TRPM3: variants seen among roughly 807,000 people sequenced by gnomAD.
TRPM3 encodes the protein transient receptor potential cation channel subfamily M member 3.
Under a neutral mutation model 181.2 loss-of-function variants are expected in TRPM3, and 77 were observed. That is an observed-to-expected ratio of 0.42 (90% CI 0.35 to 0.51). The LOEUF (loss-of-function observed/expected upper bound fraction) is 0.51, where lower values mean the gene tolerates loss of function less well. Among genes scored for constraint, TRPM3 ranks in the 20% least tolerant of loss-of-function variants. The probability of loss-of-function intolerance (pLI) is 0.01; values close to 1 mark genes in which losing one functional copy is unlikely to be tolerated. For synonymous variants in TRPM3, 745 were observed against 796.4 expected, an observed-to-expected ratio of 0.94 and a Z score of 1.09; for missense variants, 1,759 against 2,196.7, an observed-to-expected ratio of 0.80 and a Z score of 3.98.
At chr9:70,767,896 C>T (rs972094887) in intron 7 of TRPM3, among the ~76,000 whole-genome samples, 1 of 152,152 alleles carries the variant, frequency 6.6e-6, no homozygotes, top group African/African-American at 2.4e-5. Context: ...CTTGTTGGGA[C>T]TTAACCTCAG....
Position 71,142,914 on chromosome 9 carries a change from A to G in TRPM3, c.184-278403T>C, listed in dbSNP as rs147134607. ...AATCACTTGAGCCCAGGAGTTTGAG[A>G]CCATCCTGGGAACCATAGGGAAATA... On this transcript the variant is annotated intron_variant, in intron 1 of 24. Transcript: ENST00000357533. 6.8e-3 allele frequency among the ~76,000 whole-genome samples: 1,027 copies of G among 151,766 alleles called. 16 individuals carry two copies. Among genetic ancestry groups the G allele is most frequent in the African/African-American group, 0.023 (954 of 41,342 alleles).
intron 1 of TRPM3, among the ~76,000 whole-genome samples, chr9:71,266,004 C>G (rs2083369822): frequency 6.6e-6 from 1 of 152,188 alleles, no homozygotes; most frequent in Non-Finnish European, 1.5e-5. Flanking sequence ...TGTTTCCTCT[C>G]TGGCTGGATA....
intron 1 of TRPM3, among the ~76,000 whole-genome samples, chr9:71,033,281 T>C (rs1423858437): frequency 1.3e-5 from 2 of 152,246 alleles, no homozygotes; most frequent in African/African-American, 4.8e-5. Flanking sequence ...GCAAGGTCCC[T>C]GGGACACGGC....
intron 1 of TRPM3, among the ~76,000 whole-genome samples, chr9:71,352,775 GC>G (rs2132676170): frequency 6.6e-6 from 1 of 152,194 alleles, no homozygotes; most frequent in African/African-American, 2.4e-5. Flanking sequence ...AGAATTTCTA[GC>G]CTTTGTCTAT....
intron 1 of TRPM3, among the ~76,000 whole-genome samples, chr9:70,961,349 T>C (rs1036659078): frequency 6.6e-6 from 1 of 152,164 alleles, no homozygotes; most frequent in Non-Finnish European, 1.5e-5. Context: ...TTCTGACCTA[T>C]GGAACTGCTG....
At chr9:70,930,724 T>C (rs533245498) in intron 1 of TRPM3, among the ~76,000 whole-genome samples, 1 of 152,216 alleles carries the variant, frequency 6.6e-6, no homozygotes, top group South Asian at 2.1e-4. Context: ...ATGATCCAAA[T>C]TCAATTATCC....
rs1273235084 is a variant in TRPM3, at chr9:70,536,339, T to G, written c.4774A>C (p.Thr1592Pro). Residue 1592 changes from threonine to proline, a missense_variant, in exon 26 of 26, where the codon ACT becomes CCT. Around this residue, in one of 8 missense-constraint regions of TRPM3, gnomAD observed 612 missense variants for 590.0 expected, o/e 1.04. Coordinates refer to ENST00000677713, the MANE Select transcript of TRPM3 (RefSeq NM_001366145.2). ...GCTTCTCGCTCTGGATGGCAGCAAG[T>G]TAAGTCCTCCACTTTGTCTCCAAGA... is the stretch of plus-strand genomic sequence containing the variant. ...GGLGDKVEDL[T>P]CCHPEREAEL... 6.2e-7 allele frequency: 1 copy of G among 1,613,974 alleles called. No homozygotes were observed.
At chr9:70,867,137 T>C (rs1269672603) in intron 1 of TRPM3, among the ~76,000 whole-genome samples, 2 of 152,012 alleles carry the variant, frequency 1.3e-5, no homozygotes. Flanking sequence ...AGTCCCCACA[T>C]GCGCAGGAAT....
At chr9:71,029,161 G>A (rs1022099511) in intron 1 of TRPM3, among the ~76,000 whole-genome samples, 9 of 152,010 alleles carry the variant, frequency 5.9e-5, no homozygotes, top group African/African-American at 2.2e-4. Flanking sequence ...AAATTAATGA[G>A]AACGAAGATA....
chr9:71,109,345 C>T (rs1587271342), intron 1 of TRPM3, among the ~76,000 whole-genome samples: 1 of 151,832 alleles, frequency 6.6e-6, no homozygotes, highest in East Asian at 1.9e-4. Flanking sequence ...ACAATAACTC[C>T]AAAGTGAAAG....
At chr9:71,185,706 G>A (rs2077635218) in intron 1 of TRPM3, among the ~76,000 whole-genome samples, 1 of 151,906 alleles carries the variant, frequency 6.6e-6, no homozygotes, top group African/African-American at 2.4e-5. Flanking sequence ...ACACTGCTTT[G>A]GGTAGTCATC....
chr9:70,662,995 C>T (rs1256880132), intron 9 of TRPM3, among the ~76,000 whole-genome samples: 2 of 152,074 alleles, frequency 1.3e-5, no homozygotes, highest in East Asian at 1.9e-4. Flanking sequence ...AACATAAGCG[C>T]CCATCAATTA....
chr9:71,423,308 C>G (rs1394593523), intron 1 of TRPM3, among the ~76,000 whole-genome samples: 6 of 152,060 alleles, frequency 3.9e-5, no homozygotes, highest in Non-Finnish European at 8.8e-5. Flanking sequence ...TTTTAAAGAA[C>G]TACCCTCTAA....
rs534136934 is a variant in TRPM3 at position 70,807,013 on chromosome 9, C to A, written c.973+20834G>T. On this transcript the variant is annotated intron_variant, in intron 6 of 25. Coordinates refer to ENST00000677713, the MANE Select transcript of TRPM3 (RefSeq NM_001366145.2). ...TTTAAGATCCCCAGGGAATGAGACACCTTATCTTCCCTAAATATATCTCAC... is the reference window on the plus strand; with the variant it reads ...TTTAAGATCCCCAGGGAATGAGACAACTTATCTTCCCTAAATATATCTCAC... Among the ~76,000 whole-genome samples, 16 of 152,274 alleles carry A rather than the reference C, an allele frequency of 1.1e-4. No homozygotes were observed. The East Asian group carries it at 2.7e-3, about 26-fold the overall frequency.
chr9:71,068,919 A>G (rs1436136575), intron 1 of TRPM3, among the ~76,000 whole-genome samples: 1 of 152,198 alleles, frequency 6.6e-6, no homozygotes, highest in Non-Finnish European at 1.5e-5. Flanking sequence ...GATCCAATCT[A>G]TCAGATCTTG....
chr9:70,876,004 C>A (rs2095863132), intron 1 of TRPM3, among the ~76,000 whole-genome samples: 1 of 151,784 alleles, frequency 6.6e-6, no homozygotes, highest in African/African-American at 2.4e-5. Context: ...CAGAATTATG[C>A]AGATTTAGAT....
chr9:70,820,828 G>T (rs913995674), intron 6 of TRPM3, among the ~76,000 whole-genome samples: 1 of 152,036 alleles, frequency 6.6e-6, no homozygotes, highest in East Asian at 1.9e-4. Context: ...CAAGGTCACA[G>T]AGCCCTGACA....
intron 1 of TRPM3, among the ~76,000 whole-genome samples, chr9:71,389,519 G>C (rs1009093157): frequency 1.3e-5 from 2 of 152,034 alleles, no homozygotes; most frequent in African/African-American, 4.8e-5. Context: ...ATTCAAAAAA[G>C]ATACTTGCAC....
chr9:71,128,450 A>G (rs1399235208), intron 1 of TRPM3, among the ~76,000 whole-genome samples: 4 of 152,212 alleles, frequency 2.6e-5, no homozygotes, highest in Non-Finnish European at 1.5e-5. Context: ...CAAAAATTCT[A>G]ATGAGTTCCC....
Sources: gnomAD v4.1 joint callset for allele counts (sites outside exome capture counted in the v4.1 genomes callset) on GRCh38, gnomAD v4.1.1 for gene constraint, gnomAD v4.1.1 regional missense constraint, MANE v1.5 for transcripts, NCBI Gene and HGNC (gene_info 2026-07-23, HGNC 2026-07-21) for gene names.